The following UROS variants were observed in gnomAD, a reference collection of about 807,000 sequenced individuals.
UROS encodes the protein uroporphyrinogen-III synthase.
Under a neutral mutation model 33.0 loss-of-function variants are expected in UROS, and 18 were observed. The observed-to-expected ratio is 0.55, with a 90% CI of 0.38 to 0.81. The LOEUF (loss-of-function observed/expected upper bound fraction) is 0.81, where lower values mean the gene tolerates loss of function less well. Among genes scored for constraint, UROS ranks in the 30% least tolerant of loss-of-function variants. The probability of loss-of-function intolerance (pLI) is 0.00; values close to 1 mark genes in which losing one functional copy is unlikely to be tolerated. For missense variants in UROS, 293 were observed against 314.9 expected (o/e 0.93, Z 0.53); for synonymous variants, 114 against 121.1 (o/e 0.94, Z 0.38).
At chr10:125,799,853 T>C (rs767344075) in intron 6 of UROS, among the ~76,000 whole-genome samples, 1 of 152,158 alleles carries the variant, frequency 6.6e-6, no homozygotes, top group Non-Finnish European at 1.5e-5. Flanking sequence ...TCCTGAAAAC[T>C]AGCCCACTTC....
downstream of UROS, among the ~76,000 whole-genome samples, chr10:125,787,604 T>C (rs1454098439): frequency 6.6e-6 from 1 of 152,202 alleles, no homozygotes; most frequent in Non-Finnish European, 1.5e-5. Flanking sequence ...GCACATTACG[T>C]GGTTCTGATG....
At chr10:125,795,162 T>G in intron 8 of UROS, 184 bp from the exon 9 acceptor site, 1 of 652,118 alleles carries the variant, frequency 1.5e-6, no homozygotes, top group Non-Finnish European at 2.8e-6. Flanking sequence ...TAGGGAACTG[T>G]TGGAAAGAGC....
chr10:125,789,092 C>T, intron 9 of UROS, 87 bp from the exon 10 acceptor site: 2 of 1,551,826 alleles, frequency 1.3e-6, no homozygotes, highest in Non-Finnish European at 8.8e-7. Flanking sequence ...GGGCCGTCAG[C>T]CAGCTTTGCG....
At chr10:125,787,221 C>T (rs932382884), downstream of UROS, among the ~76,000 whole-genome samples, 4 of 152,202 alleles carry the variant, frequency 2.6e-5, no homozygotes, top group African/African-American at 9.6e-5. Context: ...GATTCTGTCC[C>T]CTACCCCGAG....
At chr10:125,789,549 C>G (rs1280243524) in intron 9 of UROS, 1 of 199,050 alleles carries the variant, frequency 5.0e-6, no homozygotes, top group Non-Finnish European at 9.9e-6. Flanking sequence ...GAAAAGATAA[C>G]AGGACTCTTC....
intron 5 of UROS, among the ~76,000 whole-genome samples, chr10:125,811,224 A>C (rs1182170404): frequency 6.6e-6 from 1 of 152,240 alleles, no homozygotes; most frequent in East Asian, 1.9e-4. Flanking sequence ...GAATGTGTGA[A>C]AGTTTGGAAA....
intron 6 of UROS, among the ~76,000 whole-genome samples, chr10:125,803,324 C>T (rs1330095817): frequency 6.6e-6 from 1 of 152,144 alleles, no homozygotes; most frequent in Admixed American, 6.5e-5. Context: ...CCTCAAACTC[C>T]CTGATAGCAT....
chr10:125,819,300 A>T (rs1239569571), intron 1 of UROS, among the ~76,000 whole-genome samples: 1 of 152,086 alleles, frequency 6.6e-6, no homozygotes, highest in Non-Finnish European at 1.5e-5. Context: ...TTTAAAATAA[A>T]CTTCCACTCC....
At chr10:125,802,198 AG>A (rs1851889522) in intron 6 of UROS, 1 of 985,426 alleles carries the variant, frequency 1.0e-6, no homozygotes, top group Non-Finnish European at 1.2e-6. Flanking sequence ...ATCCTGTACC[AG>A]GAACCCCTGG....
intron 1 of UROS, among the ~76,000 whole-genome samples, chr10:125,818,891 T>G (rs1038128048): frequency 1.3e-5 from 2 of 152,234 alleles, no homozygotes; most frequent in African/African-American, 4.8e-5. Context: ...AAAGAATGAT[T>G]AATTTTCCTT....
At chr10:125,816,073 GT>G (rs1853292590) in intron 3 of UROS, 103 bp downstream of exon 3, 1 of 1,188,250 alleles carries the variant, frequency 8.4e-7, no homozygotes, top group South Asian at 1.2e-5. Context: ...ATGTTTTAAA[GT>G]TTGGGAATAA....
At chr10:125,790,714 C>T (rs1434769871) in intron 9 of UROS, among the ~76,000 whole-genome samples, 4 of 147,370 alleles carry the variant, frequency 2.7e-5, no homozygotes, top group Non-Finnish European at 3.0e-5. Flanking sequence ...ACCCGGGAGG[C>T]GGAGGTTGCA....
At chr10:125,802,011 T>C (rs1851873881) in intron 6 of UROS, 1 of 985,398 alleles carries the variant, frequency 1.0e-6, no homozygotes, top group Non-Finnish European at 1.2e-6. Context: ...CAGCCACCCA[T>C]AGAAATAATT....
At chr10:125,818,383 C>T (rs529414776) in intron 1 of UROS, among the ~76,000 whole-genome samples, 29 of 152,120 alleles carry the variant, frequency 1.9e-4, no homozygotes, top group African/African-American at 6.5e-4. Flanking sequence ...GTCCTAACTA[C>T]GCAGGAGGCT....
intron 6 of UROS, among the ~76,000 whole-genome samples, chr10:125,806,949 G>A (rs1852388340): frequency 6.6e-6 from 1 of 152,160 alleles, no homozygotes. Context: ...AACACCCCTA[G>A]AACAAGTGCC....
At chr10:125,789,129 GT>G in intron 9 of UROS, 124 bp from the exon 10 acceptor site, 1 of 1,447,210 alleles carries the variant, frequency 6.9e-7, no homozygotes, top group Non-Finnish European at 9.5e-7. Context: ...CATGTGACGT[GT>G]TTATAAAAAT....
At chr10:125,786,055 C>T (rs984285106), downstream of UROS, among the ~76,000 whole-genome samples, 3 of 152,138 alleles carry the variant, frequency 2.0e-5, no homozygotes, top group Admixed American at 6.5e-5. Flanking sequence ...ACTCACTCAC[C>T]GTCCTGGGTG....
At chr10:125,798,800 T>G (rs1851573236) in intron 6 of UROS, among the ~76,000 whole-genome samples, 1 of 152,240 alleles carries the variant, frequency 6.6e-6, no homozygotes, top group African/African-American at 2.4e-5. Flanking sequence ...TGGGAAGACT[T>G]AAGGGCATTT....
chr10:125,812,075 T>A (rs1380840258), intron 5 of UROS, 139 bp downstream of exon 5: 1 of 718,156 alleles, frequency 1.4e-6, no homozygotes. Context: ...TGCATTCTTA[T>A]CAGTAGTATC....
Sources: allele counts gnomAD v4.1 joint callset (sites outside exome capture counted in the v4.1 genomes callset), GRCh38; gene constraint gnomAD v4.1.1; transcripts MANE v1.5; gene names NCBI Gene and HGNC (gene_info 2026-07-23, HGNC 2026-07-21).